Variants in RALYL observed in about 807,000 individuals in gnomAD.
RALYL encodes RNA-binding Raly-like protein.
A neutral mutation model predicts 35.1 loss-of-function variants in RALYL; 29 were observed. The ratio of observed to expected loss-of-function variants is 0.83; its 90% CI spans 0.61 to 1.13. The LOEUF is 1.13. Ranked by LOEUF, RALYL falls within the 50% of genes most tolerant of loss-of-function variation. The pLI is 0.00. For missense variants in RALYL, 359 were observed against 360.4 expected, an observed-to-expected ratio of 1.00 and a Z score of 0.03; for synonymous variants, 120 against 127.6, an observed-to-expected ratio of 0.94 and a Z score of 0.40.
chr8:84,415,171 T>C (rs1247024891), intron 1 of RALYL, among the ~76,000 whole-genome samples: 1 of 150,688 alleles, frequency 6.6e-6, no homozygotes, highest in East Asian at 1.9e-4. Flanking sequence ...TTTTTTTTTT[T>C]TTTTAATGGA....
intron 5 of RALYL, among the ~76,000 whole-genome samples, chr8:84,857,211 C>T (rs1837242600): frequency 6.6e-6 from 1 of 152,038 alleles, no homozygotes; most frequent in Admixed American, 6.5e-5. Flanking sequence ...CTTCTCTGGT[C>T]CTCTGGTTAT....
intron 7 of RALYL, among the ~76,000 whole-genome samples, chr8:84,877,465 C>T (rs766467693): frequency 3.3e-5 from 5 of 151,946 alleles, no homozygotes; most frequent in Admixed American, 1.3e-4. Context: ...TCAACCTGGG[C>T]GACAGCGAGA....
chr8:84,727,560 G>T (rs375393315), intron 2 of RALYL, among the ~76,000 whole-genome samples: 2 of 151,638 alleles, frequency 1.3e-5, no homozygotes, highest in Admixed American at 1.3e-4. Flanking sequence ...ACATGCTGGT[G>T]CGCTGCACCC....
chr8:84,689,626 A>C (rs947292575), intron 2 of RALYL, among the ~76,000 whole-genome samples: 1 of 152,070 alleles, frequency 6.6e-6, no homozygotes, highest in African/African-American at 2.4e-5. Flanking sequence ...TGGTATTTCT[A>C]GTTCTAGATC....
intron 1 of RALYL, among the ~76,000 whole-genome samples, chr8:84,292,429 G>A (rs893160012): frequency 1.3e-5 from 2 of 152,158 alleles, no homozygotes; most frequent in East Asian, 3.9e-4. Context: ...AGAAATGCCA[G>A]GGGCGTGTGA....
intron 2 of RALYL, among the ~76,000 whole-genome samples, chr8:84,715,061 T>G (rs1001364012): frequency 6.6e-6 from 1 of 151,978 alleles, no homozygotes; most frequent in African/African-American, 2.4e-5. Flanking sequence ...CTAGAAAGTA[T>G]CTACCTTCAA....
chr8:84,684,675 G>T (rs7841984), intron 2 of RALYL, among the ~76,000 whole-genome samples: 3 of 151,920 alleles, frequency 2.0e-5, no homozygotes, highest in African/African-American at 4.8e-5. Flanking sequence ...AATTAAAATC[G>T]TGTAAGAATT....
At chr8:84,703,085 T>G (rs1178050601) in intron 2 of RALYL, among the ~76,000 whole-genome samples, 5 of 152,050 alleles carry the variant, frequency 3.3e-5, no homozygotes, top group Admixed American at 1.3e-4. Flanking sequence ...GGAATGAAGG[T>G]TCCCCAGGTT....
At chr8:84,618,290 A>C (rs555827646) in intron 2 of RALYL, among the ~76,000 whole-genome samples, 1 of 151,886 alleles carries the variant, frequency 6.6e-6, no homozygotes, top group South Asian at 2.1e-4. Flanking sequence ...TGGTCTATTC[A>C]GAGATTCAAC....
intron 2 of RALYL, among the ~76,000 whole-genome samples, chr8:84,656,959 A>C (rs1332915548): frequency 6.6e-6 from 1 of 152,138 alleles, no homozygotes; most frequent in Non-Finnish European, 1.5e-5. Flanking sequence ...ATGTTTTATG[A>C]GGCAAAATGA....
At chr8:84,374,691 C>T (rs911312517) in intron 1 of RALYL, among the ~76,000 whole-genome samples, 4 of 151,632 alleles carry the variant, frequency 2.6e-5, no homozygotes, top group Non-Finnish European at 5.9e-5. Context: ...GAAACAACAC[C>T]CACTATGGCC....
At chr8:84,816,688 C>G (rs1312783671) in intron 4 of RALYL, among the ~76,000 whole-genome samples, 1 of 152,040 alleles carries the variant, frequency 6.6e-6, no homozygotes, top group African/African-American at 2.4e-5. Flanking sequence ...TGAATAAGAC[C>G]TATTTGATTG....
In RALYL at chr8:84,695,550, T is replaced by C. The variant is rs550564313; in HGVS notation, c.257-79029T>C. Reference sequence around the variant, plus strand: ...AGAAATGTTATTTTTGAAAACCTTATGAATCACATATCTATTATAAGCAAA... The same window carrying C: ...AGAAATGTTATTTTTGAAAACCTTACGAATCACATATCTATTATAAGCAAA... On this transcript the variant is annotated intron_variant, in intron 2 of 8. Transcript: ENST00000521268. Among the ~76,000 whole-genome samples the C allele has an allele frequency of 1.3e-3, 205 of 151,976 alleles. 1 individual carries two copies. The highest frequency in any genetic ancestry group is 4.8e-3 in the African/African-American group (199 of 41,544).
intron 1 of RALYL, among the ~76,000 whole-genome samples, chr8:84,484,384 T>TA (rs1471546988): frequency 6.6e-6 from 1 of 152,102 alleles, no homozygotes; most frequent in African/African-American, 2.4e-5. Context: ...CAGAGATATA[T>TA]TTTAAATGCT....
intron 2 of RALYL, among the ~76,000 whole-genome samples, chr8:84,627,303 T>C (rs1225751009): frequency 6.8e-6 from 1 of 147,778 alleles, no homozygotes; most frequent in East Asian, 2.0e-4. Context: ...TTTCCAGTTC[T>C]TTGTTCAGAA....
intron 2 of RALYL, among the ~76,000 whole-genome samples, chr8:84,650,004 G>A (rs1315395431): frequency 1.3e-5 from 2 of 152,016 alleles, no homozygotes; most frequent in Non-Finnish European, 2.9e-5. Context: ...CACATCCCTT[G>A]TAAGTTGGAT....
At chr8:84,689,438 T>G (rs1428414678) in intron 2 of RALYL, among the ~76,000 whole-genome samples, 1 of 152,220 alleles carries the variant, frequency 6.6e-6, no homozygotes, top group Non-Finnish European at 1.5e-5. Context: ...TAGTATTCCA[T>G]GGGGTATATG....
intron 4 of RALYL, among the ~76,000 whole-genome samples, chr8:84,811,418 C>A (rs563712785): frequency 6.6e-6 from 1 of 152,104 alleles, no homozygotes; most frequent in Non-Finnish European, 1.5e-5. Flanking sequence ...TGTAGGTTAC[C>A]TGGTGCTTCT....
chr8:84,584,973 G>A (rs939091701), intron 2 of RALYL, among the ~76,000 whole-genome samples: 1 of 152,142 alleles, frequency 6.6e-6, no homozygotes, highest in African/African-American at 2.4e-5. Context: ...CCTGTTCTAT[G>A]CCATATTATT....
Sources: gnomAD v4.1 joint callset for allele counts (sites outside exome capture counted in the v4.1 genomes callset) on GRCh38, gnomAD v4.1.1 for gene constraint, MANE v1.5 for transcripts, NCBI Gene and HGNC (gene_info 2026-07-23, HGNC 2026-07-21) for gene names.